The following DCAF5 variants were observed in gnomAD, a reference collection of about 807,000 sequenced individuals.
DCAF5 encodes the protein DDB1 and CUL4 associated factor 5.
In DCAF5, 9 loss-of-function variants were observed where a neutral mutation model predicts 80.7. That is an observed-to-expected ratio of 0.11 (90% confidence interval 0.07 to 0.19). The LOEUF (loss-of-function observed/expected upper bound fraction) is 0.19, where lower values mean the gene tolerates loss of function less well. DCAF5 is among the 10% of genes least tolerant of loss of function. The probability of loss-of-function intolerance (pLI) is 1.00; values close to 1 mark genes in which losing one functional copy is unlikely to be tolerated. For missense variants in DCAF5, 842 were observed against 1,205.7 expected, an observed-to-expected ratio of 0.70 and a Z score of 4.47; for synonymous variants, 433 against 461.9, an observed-to-expected ratio of 0.94 and a Z score of 0.80.
chr14:69,057,959 T>C (rs554151364), intron 8 of DCAF5, among the ~76,000 whole-genome samples: 2 of 152,238 alleles, frequency 1.3e-5, no homozygotes, highest in Non-Finnish European at 2.9e-5. Context: ...TATGTGTAAA[T>C]GAGAATGATA....
Position 69,054,727 on chromosome 14 carries a change from T to C in DCAF5, c.1959A>G (p.Ile653Met). The C allele has an allele frequency of 6.2e-7, 1 of 1,614,248 alleles. No homozygotes were observed. Among genetic ancestry groups the C allele is most frequent in the Non-Finnish European group, 8.5e-7 (1 of 1,180,042 alleles). Residue 653 changes from isoleucine (I) to methionine (M), a missense_variant, in exon 9 of 9, where the codon ATA (isoleucine) becomes ATG (methionine). Ile to Met is a conservative substitution (Grantham distance 10, BLOSUM62 1). This residue lies in a region of DCAF5 where 607 missense variants were observed against 656.6 expected (regional missense o/e 0.92). Transcript: ENST00000341516. ...QPSRASPTSDIESVERKIYKA... is the reference protein window; with the variant it reads ...QPSRASPTSDMESVERKIYKA... ...TATAAATTTTTCGCTCAACTGATTCTATGTCAGAAGTTGGTGATGCCCGGC... is the reference window on the plus strand; with the variant it reads ...TATAAATTTTTCGCTCAACTGATTCCATGTCAGAAGTTGGTGATGCCCGGC...
At chr14:69,127,647 G>C (rs555517035) in intron 1 of DCAF5, among the ~76,000 whole-genome samples, 1 of 152,214 alleles carries the variant, frequency 6.6e-6, no homozygotes, top group Non-Finnish European at 1.5e-5. Context: ...TTGGGACTCT[G>C]AGTGTTTATG....
rs1320224696 is a variant in DCAF5, at chr14:69,054,448, G to A, written c.2238C>T (p.Gly746=). 12 of 1,614,056 alleles carry A rather than the reference G, an allele frequency of 7.4e-6. No homozygotes were observed. Among genetic ancestry groups the A allele is most frequent in the Non-Finnish European group, 1.0e-5 (12 of 1,180,038 alleles). Residue 746 remains glycine, a synonymous_variant, in exon 9 of 9, where the codon GGC becomes GGT. Coordinates refer to ENST00000341516, the MANE Select transcript of DCAF5 (RefSeq NM_003861.3). ...ETPRTPSNGP[G]HEHSSHAWAE... ...CCCAAGCATGGCTGCTGTGCTCATG[G>A]CCTGGGCCATTGCTGGGAGTTCTAG...
At chr14:69,148,133 C>T (rs1439624311) in intron 1 of DCAF5, among the ~76,000 whole-genome samples, 1 of 136,166 alleles carries the variant, frequency 7.3e-6, no homozygotes, top group Middle Eastern at 3.8e-3. Context: ...TTTAAACAAA[C>T]ATATAAAGGA....
In DCAF5 at chr14:69,090,147, G is replaced by A. The variant is rs183486075; in HGVS notation, c.879+1527C>T. 59 of 979,920 alleles carry A rather than the reference G, an allele frequency of 6.0e-5. No homozygotes were observed. In the African/African-American group the frequency reaches 9.6e-4, roughly 16 times the overall value. 60.7% of individuals were successfully genotyped at this position (979,920 alleles called of 1,614,324 possible). The stretch of plus-strand genomic sequence containing the variant: ...ATTACATGCATAAGAAGTTGACAAA[G>A]GATAGGAAATCAACAAAAGCAAAGA... On this transcript the variant is annotated intron_variant, in intron 6 of 8. Transcript: ENST00000341516.
chr14:69,091,181 A>G, intron 6 of DCAF5: 1 of 714,218 alleles, frequency 1.4e-6, no homozygotes, highest in Non-Finnish European at 2.6e-6. Flanking sequence ...AAAAAGAGTC[A>G]GCATCTGGCT....
intron 5 of DCAF5, among the ~76,000 whole-genome samples, chr14:69,099,302 CT>C (rs2039868669): frequency 8.5e-5 from 9 of 105,938 alleles, no homozygotes; most frequent in East Asian, 3.6e-4. Context: ...ACACACACAA[CT>C]AACAAAGCAA....
chr14:69,141,319 A>G (rs1269623568), intron 1 of DCAF5, among the ~76,000 whole-genome samples: 1 of 150,114 alleles, frequency 6.7e-6, no homozygotes, highest in African/African-American at 2.4e-5. Flanking sequence ...AGGTGACCAT[A>G]TAACTTATCC....
At chr14:69,058,202 G>A (rs1384030109) in intron 8 of DCAF5, among the ~76,000 whole-genome samples, 3 of 152,122 alleles carry the variant, frequency 2.0e-5, no homozygotes, top group Non-Finnish European at 4.4e-5. Context: ...GTGAATCAAT[G>A]AAAAACCAAC....
At chr14:69,122,129 A>C in intron 2 of DCAF5, 88 bp downstream of exon 2, 1 of 1,483,972 alleles carries the variant, frequency 6.7e-7, no homozygotes, top group Non-Finnish European at 9.3e-7. Context: ...AATGAAATAC[A>C]GGAAGAAAAA....
intron 5 of DCAF5, among the ~76,000 whole-genome samples, chr14:69,111,828 T>C (rs970142197): frequency 6.6e-6 from 1 of 152,218 alleles, no homozygotes; most frequent in Non-Finnish European, 1.5e-5. Context: ...AATGTTTTTT[T>C]ATCCAGTCAC....
intron 1 of DCAF5, among the ~76,000 whole-genome samples, chr14:69,148,915 G>C (rs1455517142): frequency 6.6e-6 from 1 of 152,098 alleles, no homozygotes; most frequent in African/African-American, 2.4e-5. Context: ...CAAATCCCAA[G>C]CACTTTCCAC....
At chr14:69,071,205 C>T (rs952310698) in intron 7 of DCAF5, among the ~76,000 whole-genome samples, 2 of 152,180 alleles carry the variant, frequency 1.3e-5, no homozygotes, top group African/African-American at 4.8e-5. Flanking sequence ...ATAGGTCTTA[C>T]ATCTTGAAAT....
intron 5 of DCAF5, among the ~76,000 whole-genome samples, chr14:69,113,833 T>A (rs1328665281): frequency 1.3e-5 from 2 of 152,116 alleles, no homozygotes; most frequent in Non-Finnish European, 2.9e-5. Context: ...CTGACACCCA[T>A]AAAACCTTGT....
chr14:69,058,571 T>C (rs60135694), intron 8 of DCAF5, among the ~76,000 whole-genome samples: 3,075 of 147,940 alleles, frequency 0.021, 110 homozygotes, highest in African/African-American at 0.074. Context: ...TGTCTCATAA[T>C]CGGGCAAAGT....
intron 1 of DCAF5, among the ~76,000 whole-genome samples, chr14:69,123,950 G>A (rs577036059): frequency 3.9e-5 from 6 of 152,140 alleles, no homozygotes; most frequent in South Asian, 2.1e-4. Flanking sequence ...CACCCACCTC[G>A]GCCTCCCAAA....
intron 1 of DCAF5, among the ~76,000 whole-genome samples, chr14:69,148,390 G>A (rs1169327732): frequency 6.6e-6 from 1 of 152,120 alleles, no homozygotes; most frequent in Non-Finnish European, 1.5e-5. Context: ...GTATAAGCTA[G>A]TCTTTATAAA....
intron 6 of DCAF5, among the ~76,000 whole-genome samples, chr14:69,087,659 C>T (rs1442102364): frequency 1.3e-5 from 2 of 152,096 alleles, no homozygotes; most frequent in Non-Finnish European, 2.9e-5. Context: ...GTATAAAGGG[C>T]TTTGAGTGCA....
intron 2 of DCAF5, among the ~76,000 whole-genome samples, chr14:69,119,666 G>A (rs935256579): frequency 1.3e-5 from 2 of 148,464 alleles, no homozygotes; most frequent in African/African-American, 2.5e-5. Context: ...AGTGAGCTAC[G>A]ATCGCACTCC....
Sources: allele counts gnomAD v4.1 joint callset (sites outside exome capture counted in the v4.1 genomes callset), GRCh38; gene constraint gnomAD v4.1.1; regional missense constraint gnomAD v4.1.1; transcripts MANE v1.5; gene names NCBI Gene and HGNC (gene_info 2026-07-23, HGNC 2026-07-21).